Variants in ADAMTS20 observed in about 807,000 individuals in gnomAD.
ADAMTS20 encodes ADAM metallopeptidase with thrombospondin type 1 motif 20, also known as A disintegrin and metalloproteinase with thrombospondin motifs 20.
A neutral mutation model predicts 260.1 loss-of-function variants in ADAMTS20; 225 were observed. That is an observed-to-expected ratio of 0.87 (90% CI 0.78 to 0.97). The LOEUF is 0.97. Among genes scored for constraint, ADAMTS20 ranks in the 50% least tolerant of loss-of-function variants. The pLI is 0.00. For synonymous variants in ADAMTS20, 802 were observed against 769.5 expected (o/e 1.04, Z -0.70); for missense variants, 2,400 against 2,337.7 (o/e 1.03, Z -0.55).
At chr12:43,389,354 A>G (rs1450784942) in intron 29 of ADAMTS20, among the ~76,000 whole-genome samples, 1 of 152,238 alleles carries the variant, frequency 6.6e-6, no homozygotes, top group Non-Finnish European at 1.5e-5. Flanking sequence ...CTCATTCCAA[A>G]AAAGAAAAGT....
At chr12:43,431,971 A>AT (rs1941452732) in intron 21 of ADAMTS20, among the ~76,000 whole-genome samples, 1 of 151,644 alleles carries the variant, frequency 6.6e-6, no homozygotes, top group Non-Finnish European at 1.5e-5. Context: ...TCCACGTCCC[A>AT]GACTCAAGCA....
At chr12:43,546,703 A>G (rs906042920) in intron 2 of ADAMTS20, among the ~76,000 whole-genome samples, 5 of 152,216 alleles carry the variant, frequency 3.3e-5, no homozygotes, top group African/African-American at 1.2e-4. Flanking sequence ...ATGTTATGAG[A>G]TAGCCTATCA....
chr12:43,388,518 G>C (rs1201158701), intron 29 of ADAMTS20, among the ~76,000 whole-genome samples: 5 of 152,206 alleles, frequency 3.3e-5, no homozygotes, highest in Admixed American at 2.0e-4. Flanking sequence ...CAATGGATAG[G>C]AGTTTTGGAA....
intron 19 of ADAMTS20, among the ~76,000 whole-genome samples, 199 bp from the exon 20 acceptor site, chr12:43,433,010 T>C (rs914503974): frequency 6.6e-6 from 1 of 152,100 alleles, no homozygotes; most frequent in African/African-American, 2.4e-5. Flanking sequence ...TGGAGGTGCG[T>C]CCAAGGAACC....
rs77244125 is a variant in ADAMTS20 at position 43,450,050 on chromosome 12, T to A, written c.2079+2224A>T. Among the ~76,000 whole-genome samples, 636 of 152,270 alleles carry A rather than the reference T, an allele frequency of 4.2e-3. 12 individuals carry two copies. The highest frequency in any genetic ancestry group is 0.032 in the Admixed American group (485 of 15,270). On this transcript the variant is annotated intron_variant, in intron 14 of 38. Transcript: ENST00000389420. ...AACACATTAGAATACTCCAAAAAGATGACTTCCATGGTTATTATTTTAACT... is the reference window on the plus strand; with the variant it reads ...AACACATTAGAATACTCCAAAAAGAAGACTTCCATGGTTATTATTTTAACT...
intron 3 of ADAMTS20, among the ~76,000 whole-genome samples, chr12:43,516,004 G>C (rs764189964): frequency 6.6e-6 from 1 of 152,092 alleles, no homozygotes; most frequent in Admixed American, 6.6e-5. Flanking sequence ...ATTGCAGACT[G>C]ACAGGTCAGA....
intron 11 of ADAMTS20, among the ~76,000 whole-genome samples, chr12:43,460,704 T>C (rs1592080816): frequency 6.6e-6 from 1 of 151,924 alleles, no homozygotes; most frequent in African/African-American, 2.4e-5. Flanking sequence ...GGAGAATTGA[T>C]AAATTATAGT....
chr12:43,416,592 C>T lies in ADAMTS20; in HGVS notation c.4284+8922G>A, dbSNP rs796779084. 2.1e-4 allele frequency among the ~76,000 whole-genome samples: 31 copies of T among 151,032 alleles called. 1 individual carries two copies. The highest frequency in any genetic ancestry group is 7.1e-4 in the African/African-American group (29 of 41,058). ...AGGCTGGAGTGCAGTGGAGCAACCT[C>T]GGCTCACTGCAAGCTCCGCCTCCCA... On this transcript the variant is annotated intron_variant, in intron 28 of 38. Coordinates refer to ENST00000389420, the MANE Select transcript of ADAMTS20 (RefSeq NM_025003.5).
intron 3 of ADAMTS20, among the ~76,000 whole-genome samples, chr12:43,528,474 A>G (rs1482775650): frequency 6.6e-6 from 1 of 152,012 alleles, no homozygotes; most frequent in African/African-American, 2.4e-5. Flanking sequence ...CACATAGACC[A>G]ATGGAACAGA....
chr12:43,388,151 G>A (rs1347032772), intron 29 of ADAMTS20, among the ~76,000 whole-genome samples: 1 of 152,134 alleles, frequency 6.6e-6, no homozygotes, highest in Non-Finnish European at 1.5e-5. Context: ...CAGGGCCCTG[G>A]TGGTGTAGGC....
At chr12:43,356,916 C>A (rs537201433) in intron 37 of ADAMTS20, among the ~76,000 whole-genome samples, 46 of 152,260 alleles carry the variant, frequency 3.0e-4, no homozygotes, top group Non-Finnish European at 6.2e-4. Flanking sequence ...TCTGTTATTG[C>A]CCCATTCCTT....
chr12:43,536,362 G>A (rs898856244), intron 2 of ADAMTS20, among the ~76,000 whole-genome samples: 5 of 152,062 alleles, frequency 3.3e-5, no homozygotes, highest in African/African-American at 1.2e-4. Context: ...TATTTAATGG[G>A]CACCTACTAT....
In ADAMTS20 at chr12:43,432,612, C is replaced by A. The variant is rs35795975; in HGVS notation, c.2920G>T (p.Glu974Ter). Residue 974 changes from glutamate to a stop codon, truncating the protein, a stop_gained, in exon 20 of 39, where the codon GAA (glutamate) becomes TAA (stop). Coordinates refer to ENST00000389420, the MANE Select transcript of ADAMTS20 (RefSeq NM_025003.5). LOFTEE classifies it high-confidence loss of function. ...CATTTTTATTGTACCTGAGACCATTCTGAATAATGCCATCTTGTGAAGACA... is the reference window on the plus strand; with the variant it reads ...CATTTTTATTGTACCTGAGACCATTATGAATAATGCCATCTTGTGAAGACA... Reference protein sequence around the residue: ...NCVFTRWHYSEWSQCSRSCGG... With the variant: ...NCVFTRWHYS 1 of 1,613,788 alleles carries A rather than the reference C, an allele frequency of 6.2e-7. No homozygotes were observed. The highest frequency in any genetic ancestry group is 8.5e-7 in the Non-Finnish European group (1 of 1,179,832).
intron 3 of ADAMTS20, among the ~76,000 whole-genome samples, chr12:43,512,909 A>G (rs1592104718): frequency 6.6e-6 from 1 of 152,216 alleles, no homozygotes; most frequent in African/African-American, 2.4e-5. Flanking sequence ...GTGGTAATAT[A>G]TGAAGACTGT....
intron 7 of ADAMTS20, among the ~76,000 whole-genome samples, chr12:43,478,128 G>T (rs1592090178): frequency 6.6e-6 from 1 of 152,118 alleles, no homozygotes; most frequent in Middle Eastern, 3.4e-3. Context: ...CACATAAGAT[G>T]TTTAAGAAAA....
At chr12:43,460,243 T>C (rs2137368646) in intron 11 of ADAMTS20, among the ~76,000 whole-genome samples, 1 of 152,312 alleles carries the variant, frequency 6.6e-6, no homozygotes, top group African/African-American at 2.4e-5. Flanking sequence ...AATCTTAGCA[T>C]CTCATCACAT....
At chr12:43,438,341 C>T (rs1183714109) in intron 18 of ADAMTS20, among the ~76,000 whole-genome samples, 1 of 152,192 alleles carries the variant, frequency 6.6e-6, no homozygotes, top group Non-Finnish European at 1.5e-5. Flanking sequence ...AGTTGGAATG[C>T]TGATCCCAGC....
chr12:43,475,809 G>T (rs1235439529), intron 7 of ADAMTS20, among the ~76,000 whole-genome samples: 2 of 149,386 alleles, frequency 1.3e-5, no homozygotes, highest in Non-Finnish European at 3.0e-5. Context: ...AGCTAAAACT[G>T]GATCCCTTCC....
At chr12:43,409,416 A>C (rs1457643129) in intron 28 of ADAMTS20, among the ~76,000 whole-genome samples, 7 of 151,024 alleles carry the variant, frequency 4.6e-5, no homozygotes, top group Non-Finnish European at 8.9e-5. Context: ...TCCCGGCTAA[A>C]ACGGTGAAAC....
Sources: allele counts gnomAD v4.1 joint callset (sites outside exome capture counted in the v4.1 genomes callset), GRCh38; gene constraint gnomAD v4.1.1; transcripts MANE v1.5; gene names NCBI Gene and HGNC (gene_info 2026-07-23, HGNC 2026-07-21).